The following GAS7 variants were observed in gnomAD, a reference collection of about 807,000 sequenced individuals.
GAS7 encodes the protein growth arrest-specific protein 7.
Under a neutral mutation model 71.1 loss-of-function variants are expected in GAS7, and 28 were observed. The ratio of observed to expected loss-of-function variants is 0.39; its 90% CI spans 0.29 to 0.54. GAS7 has a LOEUF of 0.54. Ranked by LOEUF, GAS7 falls within the 20% of genes least tolerant of loss-of-function variation. The pLI is 0.62. For missense variants in GAS7, 436 were observed against 627.8 expected (o/e 0.69, Z 3.27); for synonymous variants, 258 against 245.8 (o/e 1.05, Z -0.46).
chr17:10,167,445 G>A (rs1451261077), intron 1 of GAS7, among the ~76,000 whole-genome samples: 6 of 152,080 alleles, frequency 3.9e-5, no homozygotes, highest in South Asian at 2.1e-4. Flanking sequence ...TAAACCTCAC[G>A]TGGGTGTCAA....
intron 1 of GAS7, among the ~76,000 whole-genome samples, chr17:10,063,643 G>A (rs1006160377): frequency 6.6e-6 from 1 of 152,138 alleles, no homozygotes; most frequent in African/African-American, 2.4e-5. Context: ...GTCAGGGTGA[G>A]GATCTCATCC....
chr17:10,178,702 C>CTTTTTTTTTTTTTTTT lies in GAS7; in HGVS notation c.183+19490_183+19505dup, dbSNP rs397857157. 1.2e-4 allele frequency among the ~76,000 whole-genome samples: 4 copies of CTTTTTTTTTTTTTTTT among 34,590 alleles called. 1 individual carries two copies. The highest frequency in any genetic ancestry group is 3.6e-4 in the African/African-American group (3 of 8,356). 22.7% of individuals were successfully genotyped at this position (34,590 alleles called of 152,430 possible). A position where few individuals can be genotyped will look rare whatever the true frequency, so the allele number is the denominator to read the frequency against. ...TCAACTCCCCTCCCTCCCCCACCAC[C>CTTTTTTTTTTTTTTTT]TTTTTTTTTTTTTTTTTTTTTTTTT... is the stretch of plus-strand genomic sequence containing the variant. On this transcript the variant is annotated intron_variant, in intron 1 of 13. Coordinates refer to ENST00000432992, the MANE Select transcript of GAS7 (RefSeq NM_201433.2).
At chr17:10,116,938 G>A (rs2073866699) in intron 1 of GAS7, among the ~76,000 whole-genome samples, 1 of 152,112 alleles carries the variant, frequency 6.6e-6, no homozygotes, top group Non-Finnish European at 1.5e-5. Flanking sequence ...GCCAGAGTGA[G>A]TGAGAGACTG....
At chr17:10,117,829 T>C (rs905730830) in intron 1 of GAS7, among the ~76,000 whole-genome samples, 25 of 152,122 alleles carry the variant, frequency 1.6e-4, no homozygotes, top group Non-Finnish European at 3.7e-4. Context: ...TGGTGAGAAG[T>C]GATCCTGTGT....
chr17:10,145,419 A>T (rs981057832), intron 1 of GAS7, among the ~76,000 whole-genome samples: 17 of 152,240 alleles, frequency 1.1e-4, no homozygotes, highest in African/African-American at 4.1e-4. Context: ...AGACCCGAAG[A>T]GCTCTCCAGG....
intron 1 of GAS7, among the ~76,000 whole-genome samples, chr17:10,170,569 C>A (rs2074328763): frequency 6.6e-6 from 1 of 152,222 alleles, no homozygotes; most frequent in African/African-American, 2.4e-5. Context: ...ACCTTCTCTG[C>A]CCATCCCATT....
chr17:10,030,180 T>C (rs146859847), intron 1 of GAS7, among the ~76,000 whole-genome samples: 1 of 152,178 alleles, frequency 6.6e-6, no homozygotes, highest in African/African-American at 2.4e-5. Context: ...GTGAGTCTTT[T>C]GAGTCTTACC....
chr17:9,934,978 A>G lies in GAS7; in HGVS notation c.807-734T>C, dbSNP rs144721760. On this transcript the variant is annotated intron_variant, in intron 8 of 13. Coordinates refer to ENST00000432992, the MANE Select transcript of GAS7 (RefSeq NM_201433.2). ...CTCGAACTCCTGACCAACTGAGAGC[A>G]GCTGCAGGGAGGGGTTACCTCGGCC... 4.8e-3 allele frequency among the ~76,000 whole-genome samples: 723 copies of G among 152,200 alleles called. 9 individuals are homozygous for G. The highest frequency in any genetic ancestry group is 0.017 in the African/African-American group (689 of 41,520).
At chr17:10,072,439 G>A (rs570003764) in intron 1 of GAS7, among the ~76,000 whole-genome samples, 63 of 152,138 alleles carry the variant, frequency 4.1e-4, no homozygotes, top group African/African-American at 1.4e-3. Flanking sequence ...CCCAGCCTTC[G>A]CCCATGGCTG....
chr17:10,081,108 T>C (rs949949218), intron 1 of GAS7, among the ~76,000 whole-genome samples: 3 of 152,022 alleles, frequency 2.0e-5, no homozygotes, highest in Non-Finnish European at 4.4e-5. Context: ...CAAACAAAAA[T>C]CTTTAAAACT....
At chr17:9,935,628 C>T (rs577410603) in intron 8 of GAS7, among the ~76,000 whole-genome samples, 1 of 152,360 alleles carries the variant, frequency 6.6e-6, no homozygotes, top group South Asian at 2.1e-4. Flanking sequence ...CAACAGTGCA[C>T]AGCAGATCCC....
intron 1 of GAS7, among the ~76,000 whole-genome samples, chr17:10,153,300 G>A (rs989877852): frequency 6.6e-6 from 1 of 151,636 alleles, no homozygotes; most frequent in Admixed American, 6.6e-5. Flanking sequence ...AGGAATTCAA[G>A]ACCAGCCTGG....
chr17:9,992,916 C>T (rs2070901768), intron 2 of GAS7, among the ~76,000 whole-genome samples: 2 of 151,746 alleles, frequency 1.3e-5, no homozygotes, highest in Admixed American at 6.6e-5. Context: ...CATCCATGTC[C>T]CTACAAAGGA....
chr17:10,197,228 G>A (rs1344220314), intron 1 of GAS7, among the ~76,000 whole-genome samples: 4 of 152,022 alleles, frequency 2.6e-5, no homozygotes, highest in African/African-American at 7.3e-5. Flanking sequence ...TACTTTCTCT[G>A]TGAAGTAGGT....
chr17:10,144,544 T>C (rs990709133), intron 1 of GAS7, among the ~76,000 whole-genome samples: 2 of 151,956 alleles, frequency 1.3e-5, no homozygotes, highest in Non-Finnish European at 2.9e-5. Flanking sequence ...TGTTAATTTC[T>C]TTTTTTTCTT....
chr17:10,148,411 C>T (rs561683096), intron 1 of GAS7, among the ~76,000 whole-genome samples: 1 of 151,316 alleles, frequency 6.6e-6, no homozygotes, highest in East Asian at 2.0e-4. Flanking sequence ...GAGATCAAGA[C>T]CAGCATGGCC....
At chr17:10,099,881 C>G (rs1597791472) in intron 1 of GAS7, among the ~76,000 whole-genome samples, 1 of 152,178 alleles carries the variant, frequency 6.6e-6, no homozygotes, top group Non-Finnish European at 1.5e-5. Context: ...AAGACTGTGT[C>G]AATCTCTAAA....
At chr17:10,158,341 A>T (rs865872933) in intron 1 of GAS7, among the ~76,000 whole-genome samples, 1 of 104,752 alleles carries the variant, frequency 9.5e-6, no homozygotes, top group South Asian at 3.3e-4. Context: ...TTTGGTAAAA[A>T]AAAAAAAAAA....
chr17:10,117,378 G>A (rs1348047138), intron 1 of GAS7, among the ~76,000 whole-genome samples: 1 of 152,132 alleles, frequency 6.6e-6, no homozygotes, highest in Non-Finnish European at 1.5e-5. Flanking sequence ...ATCTGCCACA[G>A]AAGGTAACAT....
Sources: allele counts gnomAD v4.1 joint callset (sites outside exome capture counted in the v4.1 genomes callset), GRCh38; gene constraint gnomAD v4.1.1; transcripts MANE v1.5; gene names NCBI Gene and HGNC (gene_info 2026-07-23, HGNC 2026-07-21).